Variants in SOX30 observed in about 807,000 individuals in gnomAD.
SOX30 encodes the protein SRY-box transcription factor 30, also known as transcription factor SOX-30.
Under a neutral mutation model 58.6 loss-of-function variants are expected in SOX30, and 17 were observed. The observed-to-expected ratio is 0.29, with a 90% CI of 0.20 to 0.44. The LOEUF (loss-of-function observed/expected upper bound fraction) is 0.44, where lower values mean the gene tolerates loss of function less well. SOX30 is among the 20% of genes least tolerant of loss of function. SOX30 has a pLI of 1.00. For missense variants in SOX30, 951 were observed against 965.8 expected, an observed-to-expected ratio of 0.98 and a Z score of 0.20; for synonymous variants, 421 against 400.2, an observed-to-expected ratio of 1.05 and a Z score of -0.62.
chr5:157,641,772 A>G (rs1177156973), intron 3 of SOX30, among the ~76,000 whole-genome samples: 1 of 152,226 alleles, frequency 6.6e-6, no homozygotes, highest in Non-Finnish European at 1.5e-5. Context: ...AGTTTGCCCC[A>G]TAATAGGATT....
intron 4 of SOX30, among the ~76,000 whole-genome samples, chr5:157,636,882 C>T (rs1003093492): frequency 6.6e-6 from 1 of 152,072 alleles, no homozygotes; most frequent in Non-Finnish European, 1.5e-5. Flanking sequence ...AATCCCAGCA[C>T]CTTGGGAGGC....
chr5:157,632,617 A>G (rs993367554), intron 4 of SOX30, among the ~76,000 whole-genome samples: 1 of 152,288 alleles, frequency 6.6e-6, no homozygotes, highest in Middle Eastern at 3.4e-3. Context: ...TCTCAAAAAG[A>G]AAAAGAAATG....
chr5:157,630,097 T>C (rs1042483913), intron 4 of SOX30, among the ~76,000 whole-genome samples: 24 of 152,262 alleles, frequency 1.6e-4, no homozygotes, highest in African/African-American at 5.1e-4. Context: ...GTAAGTCTTA[T>C]AAGAAGTTAC....
chr5:157,646,070 T>C (rs898577222), intron 3 of SOX30, among the ~76,000 whole-genome samples: 1 of 151,544 alleles, frequency 6.6e-6, no homozygotes, highest in Non-Finnish European at 1.5e-5. Context: ...GATAGCCCTA[T>C]AACAAGTTAT....
intron 4 of SOX30, among the ~76,000 whole-genome samples, chr5:157,632,598 G>A (rs897786465): frequency 6.6e-6 from 1 of 152,098 alleles, no homozygotes; most frequent in African/African-American, 2.4e-5. Context: ...CAAAAAGAGC[G>A]AAACTCCATC....
In SOX30 at chr5:157,651,359, C is replaced by A; in HGVS notation, c.720G>T (p.Ala240=). The A allele has an allele frequency of 6.2e-7, 1 of 1,613,838 alleles. No homozygotes were observed. Among genetic ancestry groups the A allele is most frequent in the South Asian group, 1.1e-5 (1 of 91,076 alleles). Residue 240 remains alanine, a synonymous_variant, in exon 1 of 5, where the codon GCG becomes GCT. Transcript: ENST00000265007. ...CGGACGTTGGGGCCAAGATGACCTC[C>A]GCGCTGCCATGAACCAGGCCATTGG... ...PASNGLVHGS[A]EVILAPTSGA...
At chr5:157,662,594 T>TAAAATTC (rs1196092497) in intron 2 of SOX30, among the ~76,000 whole-genome samples, 1 of 152,140 alleles carries the variant, frequency 6.6e-6, no homozygotes, top group African/African-American at 2.4e-5. Context: ...AAACCACAAA[T>TAAAATTC]AAAATTCAAA....
Position 157,651,858 on chromosome 5 carries a change from T to G in SOX30, c.221A>C (p.Lys74Thr), listed in dbSNP as rs762549292. ...QPAVRRLLQV[K>T]PEQVLLLPQP... ...TGGTAGCAGCAACACCTGCTCTGGC[T>G]TCACCTGCAGCAGCCGCCGCACCGC... The change falls in exon 1 of 5, where the codon AAG becomes ACG. Residue 74 changes from lysine to threonine, a missense_variant. Physicochemically the swap from Lys to Thr is moderately conservative, Grantham distance 78. This residue lies in a region of SOX30 where 363 missense variants were observed against 294.5 expected (regional missense o/e 1.23). Transcript: ENST00000265007. 17 of 1,573,646 alleles carry G rather than the reference T, an allele frequency of 1.1e-5. No individual in the cohort carries two copies. The Admixed American group carries it at 1.8e-4, about 17-fold the overall frequency.
chr5:157,638,118 T>C (rs535563520), intron 4 of SOX30, 112 bp downstream of exon 4: 267 of 1,070,852 alleles, frequency 2.5e-4, no homozygotes, highest in Non-Finnish European at 3.1e-4. Context: ...GTCAGCAGAA[T>C]TGAAGAAGTC....
intron 3 of SOX30, among the ~76,000 whole-genome samples, chr5:157,641,192 T>C (rs530950080): frequency 1.3e-4 from 19 of 151,632 alleles, no homozygotes; most frequent in South Asian, 4.2e-4. Context: ...AGTTTGAGAC[T>C]AGACTGGGCA....
chr5:157,654,445 C>T (rs935400260), upstream of SOX30, among the ~76,000 whole-genome samples: 1 of 152,034 alleles, frequency 6.6e-6, no homozygotes, highest in African/African-American at 2.4e-5. Context: ...AGTGTCAGTC[C>T]CCATACCACA....
rs1322358115 is a variant in SOX30 at position 157,630,831 on chromosome 5, A to T, written c.1881-4110T>A. On this transcript the variant is annotated intron_variant, in intron 4 of 4. Coordinates refer to ENST00000265007, the MANE Select transcript of SOX30 (RefSeq NM_178424.2). ...GTGTGGCCTTCTGGATTTCCCATTT[A>T]TATATATACATTATATATATATTAT... 3.6e-5 allele frequency among the ~76,000 whole-genome samples: 5 copies of T among 137,644 alleles called. No individual in the cohort carries two copies. In the East Asian group the frequency reaches 9.8e-4, roughly 27 times the overall value. The allele number at this position is 137,644 out of a possible 152,430, so 90.3% of individuals were successfully genotyped here.
intron 2 of SOX30, among the ~76,000 whole-genome samples, chr5:157,647,303 C>T (rs769949621): frequency 1.3e-5 from 2 of 152,130 alleles, no homozygotes; most frequent in South Asian, 2.1e-4. Context: ...CCTCGTGATC[C>T]GCCCGTCTCG....
rs6897689 is a variant in SOX30, at chr5:157,645,810, C to T, written c.1387+827G>A. The stretch of plus-strand genomic sequence containing the variant: ...CCGGGGCGGGCAGATCATCTGAGGT[C>T]GGGAGTTCCAGACCAGCCTGACCAA... On this transcript the variant is annotated intron_variant, in intron 3 of 4. Transcript: ENST00000265007. Among the ~76,000 whole-genome samples the T allele has an allele frequency of 9.5e-3, 1,447 of 152,164 alleles. 14 individuals are homozygous for T. The highest frequency in any genetic ancestry group is 0.03 in the African/African-American group (1,230 of 41,522).
chr5:157,647,752 G>T (rs912671970), intron 2 of SOX30, among the ~76,000 whole-genome samples: 2 of 151,462 alleles, frequency 1.3e-5, no homozygotes, highest in South Asian at 4.2e-4. Context: ...GTAGAGATGG[G>T]GTTTCACTGT....
At chr5:157,662,243 T>C (rs1326391908) in intron 2 of SOX30, among the ~76,000 whole-genome samples, 2 of 152,152 alleles carry the variant, frequency 1.3e-5, no homozygotes, top group African/African-American at 4.8e-5. Context: ...TCTCTTTTTT[T>C]CTTGGTCATT....
chr5:157,650,285 G>T (rs758601660), intron 1 of SOX30, among the ~76,000 whole-genome samples: 23 of 151,698 alleles, frequency 1.5e-4, no homozygotes, highest in Non-Finnish European at 2.9e-4. Context: ...AAAGATAAAA[G>T]CAACAGGGTG....
intron 4 of SOX30, 41 bp from the exon 5 acceptor site, chr5:157,626,762 A>G (rs746413028): frequency 1.9e-6 from 3 of 1,549,230 alleles, no homozygotes; most frequent in East Asian, 2.2e-5. Flanking sequence ...GATCTTGCCC[A>G]CATATTGCCT....
At chr5:157,635,517 G>A (rs1239138181) in intron 4 of SOX30, among the ~76,000 whole-genome samples, 2 of 152,132 alleles carry the variant, frequency 1.3e-5, no homozygotes, top group South Asian at 2.1e-4. Flanking sequence ...CCAGCTACTC[G>A]GGAGGCTGAG....
Sources: allele counts gnomAD v4.1 joint callset (sites outside exome capture counted in the v4.1 genomes callset), GRCh38; gene constraint gnomAD v4.1.1; regional missense constraint gnomAD v4.1.1; transcripts MANE v1.5; gene names NCBI Gene and HGNC (gene_info 2026-07-23, HGNC 2026-07-21).